CACNA2D4: variants seen among roughly 807,000 people sequenced by gnomAD.
CACNA2D4 encodes the protein voltage-dependent calcium channel subunit alpha-2/delta-4.
Under a neutral mutation model 163.8 loss-of-function variants are expected in CACNA2D4, and 157 were observed. The observed-to-expected ratio is 0.96, with a 90% CI of 0.84 to 1.09. The LOEUF (loss-of-function observed/expected upper bound fraction) is 1.09, where lower values mean the gene tolerates loss of function less well. Among genes scored for constraint, CACNA2D4 ranks in the 50% least tolerant of loss-of-function variants. CACNA2D4 has a pLI of 0.00. For missense variants in CACNA2D4, 1,410 were observed against 1,479.9 expected (o/e 0.95, Z 0.78); for synonymous variants, 598 against 586.9 (o/e 1.02, Z -0.27).
In CACNA2D4 at chr12:1,874,949, A is replaced by C. The variant is rs573054551; in HGVS notation, c.1807-274T>G. 2.6e-5 allele frequency among the ~76,000 whole-genome samples: 4 copies of C among 152,356 alleles called. No individual in the cohort carries two copies. Among genetic ancestry groups the C allele is most frequent in the African/African-American group, 7.2e-5 (3 of 41,584 alleles). ...GGGACATAATTTCCTCTAGGACGAGATATTGCAATCAAAAGCCAGGCTAAA... is the reference window on the plus strand; with the variant it reads ...GGGACATAATTTCCTCTAGGACGAGCTATTGCAATCAAAAGCCAGGCTAAA... On this transcript the variant is annotated intron_variant, in intron 17 of 37. Transcript: ENST00000382722. This position sits in a 1 kb window ranked among gnomAD's most constrained non-coding sequence, Gnocchi z 4.4.
At chr12:1,856,547 G>A (rs1865403761) in intron 20 of CACNA2D4, among the ~76,000 whole-genome samples, 1 of 152,192 alleles carries the variant, frequency 6.6e-6, no homozygotes, top group Admixed American at 6.5e-5. Context: ...TCCCCATCCA[G>A]GTTGGATTTG....
chr12:1,870,102 C>T (rs1240517705), intron 18 of CACNA2D4, among the ~76,000 whole-genome samples: 3 of 152,158 alleles, frequency 2.0e-5, no homozygotes, highest in Non-Finnish European at 4.4e-5. Context: ...AGTCTTTACT[C>T]CTAAGGTGTA....
chr12:1,800,202 G>T, intron 32 of CACNA2D4, 150 bp from the exon 33 acceptor site: 1 of 954,604 alleles, frequency 1.0e-6, no homozygotes, highest in Middle Eastern at 2.1e-4. Flanking sequence ...GAGCAATGAG[G>T]TCCCTCCCAG....
At position 1,795,670 on chromosome 12, in the gene CACNA2D4, T is replaced by C. The variant is rs780344794; in HGVS notation, c.3224A>G (p.Lys1075Arg). ...CATCCCCGAGCATTGCAGGATATAT[T>C]TGACTTCTGTCGCCTCCTGCAGCAC... ...PPVLQEATEV[K>R]YNASVKCDRM... The change falls in exon 36 of 38, where the codon AAA becomes AGA. Residue 1075 changes from lysine to arginine, a missense_variant and splice_region_variant. By Grantham distance (26) the Lys-to-Arg change is conservative. Transcript: ENST00000382722. 13 of 1,599,114 alleles carry C rather than the reference T, an allele frequency of 8.1e-6. No individual in the cohort carries two copies. Among genetic ancestry groups the C allele is most frequent in the Middle Eastern group, 3.5e-4 (2 of 5,692 alleles).
chr12:1,826,488 C>T (rs369728295), intron 26 of CACNA2D4, among the ~76,000 whole-genome samples: 1 of 151,618 alleles, frequency 6.6e-6, no homozygotes, highest in East Asian at 2.0e-4. Flanking sequence ...CAGCACCACG[C>T]TCAGGGGCTC....
chr12:1,853,813 G>T, intron 23 of CACNA2D4, 138 bp downstream of exon 23: 1 of 635,370 alleles, frequency 1.6e-6, no homozygotes, highest in Non-Finnish European at 2.8e-6. Context: ...AGTGCCCAGG[G>T]GGACCTCCAC....
intron 29 of CACNA2D4, chr12:1,809,313 G>A: frequency 1.8e-6 from 1 of 565,074 alleles, no homozygotes; most frequent in Non-Finnish European, 3.1e-6. Flanking sequence ...GGAACTTAGA[G>A]CCCTCAGCTG....
chr12:1,810,389 C>T (rs759635297), intron 28 of CACNA2D4, 49 bp from the exon 29 acceptor site: 10 of 1,575,402 alleles, frequency 6.3e-6, no homozygotes, highest in Admixed American at 1.7e-5. Context: ...TCACCCACCC[C>T]GGTCCTCCAG....
chr12:1,801,011 G>C, intron 31 of CACNA2D4, 32 bp downstream of exon 31: 1 of 1,601,108 alleles, frequency 6.2e-7, no homozygotes, highest in Non-Finnish European at 8.5e-7. Flanking sequence ...TGGCTGGCTG[G>C]CTGGCAGAGG....
At chr12:1,915,918 C>T (rs867597097) in intron 1 of CACNA2D4, among the ~76,000 whole-genome samples, 4 of 152,232 alleles carry the variant, frequency 2.6e-5, no homozygotes, top group Non-Finnish European at 2.9e-5. Flanking sequence ...ACAGTCCCCA[C>T]CCTTGCAGGG....
intron 8 of CACNA2D4, 23 bp from the exon 9 acceptor site, chr12:1,886,062 G>T: frequency 6.3e-7 from 1 of 1,590,544 alleles, no homozygotes; most frequent in Non-Finnish European, 8.6e-7. Context: ...TGAGTTGAGG[G>T]GAGGTGGGGG....
intron 20 of CACNA2D4, 106 bp downstream of exon 20, chr12:1,858,471 T>A: frequency 1.1e-6 from 1 of 947,722 alleles, no homozygotes; most frequent in East Asian, 2.6e-5. Flanking sequence ...GCCTGGGAGC[T>A]GGGAGGCTGT....
rs539912708 is a variant in CACNA2D4 at position 1,885,907 on chromosome 12, G to A, written c.1068+58C>T. The A allele has an allele frequency of 8.8e-5, 111 of 1,267,510 alleles. 1 individual carries two copies. The highest frequency in any genetic ancestry group is 8.7e-4 in the South Asian group (70 of 80,010). The allele number at this position is 1,267,510 out of a possible 1,614,324, so 78.5% of individuals were successfully genotyped here. On this transcript the variant is annotated intron_variant, in intron 9 of 37. Transcript: ENST00000382722. ...ACAGAAACAGTCTACAGAGACAACCGCCCACCATCCAGACAAGAGCAGGGG... is the reference window on the plus strand; with the variant it reads ...ACAGAAACAGTCTACAGAGACAACCACCCACCATCCAGACAAGAGCAGGGG...
At chr12:1,852,948 G>T (rs1233251069) in intron 23 of CACNA2D4, among the ~76,000 whole-genome samples, 1 of 152,086 alleles carries the variant, frequency 6.6e-6, no homozygotes, top group Non-Finnish European at 1.5e-5. Context: ...TGAGGACTGC[G>T]GTGAGGATCA....
intron 6 of CACNA2D4, among the ~76,000 whole-genome samples, chr12:1,900,802 G>GA (rs1250350353): frequency 2.0e-5 from 3 of 152,114 alleles, no homozygotes; most frequent in Non-Finnish European, 4.4e-5. Flanking sequence ...CATCCAGAGA[G>GA]AAAATCAACA....
At chr12:1,907,411 G>T (rs778578678) in intron 6 of CACNA2D4, 29 bp downstream of exon 6, 1 of 1,604,938 alleles carries the variant, frequency 6.2e-7, no homozygotes, top group Non-Finnish European at 8.5e-7. Context: ...ATCCCAGAAG[G>T]TCGGGGAGAT....
At chr12:1,857,631 G>C (rs1865429652) in intron 20 of CACNA2D4, among the ~76,000 whole-genome samples, 1 of 152,172 alleles carries the variant, frequency 6.6e-6, no homozygotes, top group Non-Finnish European at 1.5e-5. Context: ...CCCTGAGATA[G>C]GTTGTGGTCT....
Position 1,879,004 on chromosome 12 carries a change from G to A in CACNA2D4, c.1596C>T (p.Gly532=), listed in dbSNP as rs1362056420. Residue 532 remains glycine, a synonymous_variant, in exon 15 of 38, where the codon GGC becomes GGT. Transcript: ENST00000382722. ...TCAGCTCTCTCAGGGCCACATCTGAGCCCACCACACCCAGGAGAATGCCAT... is the reference window on the plus strand; with the variant it reads ...TCAGCTCTCTCAGGGCCACATCTGAACCCACCACACCCAGGAGAATGCCAT... ...RSHGILLGVV[G]SDVALRELMK... The A allele has an allele frequency of 3.1e-6, 5 of 1,613,854 alleles. No individual in the cohort carries two copies. The highest frequency in any genetic ancestry group is 1.6e-4 in the Middle Eastern group (1 of 6,062).
chr12:1,842,595 G>C (rs927174045), intron 25 of CACNA2D4, among the ~76,000 whole-genome samples: 2 of 152,092 alleles, frequency 1.3e-5, no homozygotes, highest in Admixed American at 6.5e-5. Context: ...TTTTCTCCTC[G>C]TGGCTCAGCT....
Sources: gnomAD v4.1 joint callset for allele counts (sites outside exome capture counted in the v4.1 genomes callset) on GRCh38, gnomAD v4.1.1 for gene constraint, Gnocchi (gnomAD v3.1) non-coding constraint, MANE v1.5 for transcripts, NCBI Gene and HGNC (gene_info 2026-07-23, HGNC 2026-07-21) for gene names.